The following TEX14 variants were observed in gnomAD, a reference collection of about 807,000 sequenced individuals.
TEX14 encodes testis expressed 14, intercellular bridge forming factor.
A neutral mutation model predicts 178.6 loss-of-function variants in TEX14; 168 were observed. The observed-to-expected ratio is 0.94, with a 90% confidence interval of 0.83 to 1.07. The LOEUF is 1.07. TEX14 is among the 50% of genes least tolerant of loss of function. The pLI is 0.00. For synonymous variants in TEX14, 626 were observed against 634.1 expected, an observed-to-expected ratio of 0.99 and a Z score of 0.19; for missense variants, 1,730 against 1,753.6, an observed-to-expected ratio of 0.99 and a Z score of 0.24.
At chr17:58,659,133 A>G (rs760569880) in intron 1 of TEX14, among the ~76,000 whole-genome samples, 7 of 152,176 alleles carry the variant, frequency 4.6e-5, no homozygotes, top group Non-Finnish European at 8.8e-5. Flanking sequence ...CGTCTTTTAA[A>G]CTAGTTCAAT....
chr17:58,595,018 T>C (rs899718388), intron 14 of TEX14, among the ~76,000 whole-genome samples: 1 of 152,310 alleles, frequency 6.6e-6, no homozygotes, highest in Non-Finnish European at 1.5e-5. Flanking sequence ...GGCCTTTGTA[T>C]GGGCAAACAC....
chr17:58,575,341 C>T (rs1420495152), intron 21 of TEX14, among the ~76,000 whole-genome samples: 1 of 152,070 alleles, frequency 6.6e-6, no homozygotes, highest in Non-Finnish European at 1.5e-5. Flanking sequence ...ATCTCAAACT[C>T]CTGACCTCAG....
At position 58,623,026 on chromosome 17, in the gene TEX14, T is replaced by A. The variant is rs1234482275; in HGVS notation, c.252-14A>T. On this transcript the variant is annotated splice_polypyrimidine_tract_variant and intron_variant, in intron 3 of 31. Coordinates refer to ENST00000349033, the MANE Select transcript of TEX14 (RefSeq NM_031272.5). ...TCAAAGCAGCGGCTGGGGAGGGAGA[T>A]GAGTACAATTGATGTCCATGGCAAT... is the stretch of plus-strand genomic sequence containing the variant. 1.9e-6 allele frequency: 3 copies of A among 1,580,716 alleles called. No individual in the cohort carries two copies. The highest frequency in any genetic ancestry group is 4.5e-5 in the East Asian group (2 of 44,074).
intron 10 of TEX14, among the ~76,000 whole-genome samples, chr17:58,609,017 T>C (rs573325980): frequency 7.9e-5 from 12 of 152,332 alleles, no homozygotes; most frequent in African/African-American, 2.9e-4. Context: ...ATGGACCAGA[T>C]GAGAAAGTGA....
rs371618579 is a variant in TEX14, at chr17:58,581,764, C to G, written c.3172-2033G>C. The G allele has an allele frequency of 6.2e-6, 10 of 1,601,206 alleles. No individual in the cohort carries two copies. In the African/African-American group the frequency reaches 1.1e-4, roughly 17 times the overall value. ...AATGTAGGAAATCACTTTTAAGTTG[C>G]TGTTCATTGTAACGAAATCCCTTTA... On this transcript the variant is annotated intron_variant, in intron 19 of 31. Coordinates refer to ENST00000349033, the MANE Select transcript of TEX14 (RefSeq NM_031272.5).
intron 1 of TEX14, among the ~76,000 whole-genome samples, chr17:58,662,748 G>C (rs2047138591): frequency 6.6e-6 from 1 of 152,166 alleles, no homozygotes; most frequent in Admixed American, 6.5e-5. Flanking sequence ...AGAAATATGA[G>C]AGTGACATAT....
intron 26 of TEX14, among the ~76,000 whole-genome samples, chr17:58,568,109 G>C (rs545361469): frequency 1.3e-5 from 2 of 152,346 alleles, no homozygotes; most frequent in Admixed American, 1.3e-4. Flanking sequence ...GGAGGAATTT[G>C]CAAGGACTGC....
intron 5 of TEX14, 120 bp downstream of exon 5, chr17:58,621,530 G>C (rs2045996519): frequency 9.7e-7 from 1 of 1,029,940 alleles, no homozygotes. Flanking sequence ...ACACCCCTTT[G>C]GATGGGCCAG....
At chr17:58,562,670 A>G (rs2044295947) in intron 28 of TEX14, among the ~76,000 whole-genome samples, 2 of 152,002 alleles carry the variant, frequency 1.3e-5, no homozygotes, top group Admixed American at 1.3e-4. Context: ...ATGCCTGGCT[A>G]ATTTTTTTAT....
chr17:58,592,939 T>G (rs1212912289), intron 15 of TEX14, among the ~76,000 whole-genome samples: 1 of 152,174 alleles, frequency 6.6e-6, no homozygotes, highest in Admixed American at 6.5e-5. Context: ...TATGCATATA[T>G]ATGCATGAAT....
chr17:58,563,656 TATAGAGAGAGAGAGAG>T (rs1356108403), intron 28 of TEX14, among the ~76,000 whole-genome samples: 1 of 18,770 alleles, frequency 5.3e-5, no homozygotes, highest in Non-Finnish European at 8.3e-5. Flanking sequence ...TATATATATA[TATAGAGAGAGAGAGAG>T]AGAGAGAGAG....
intron 2 of TEX14, among the ~76,000 whole-genome samples, chr17:58,640,442 G>A (rs1307400168): frequency 6.6e-6 from 1 of 152,158 alleles, no homozygotes. Flanking sequence ...TAGGTAACTT[G>A]CCTAAGGTCA....
At chr17:58,635,088 C>A (rs1216723082) in intron 2 of TEX14, among the ~76,000 whole-genome samples, 1 of 149,520 alleles carries the variant, frequency 6.7e-6, no homozygotes, top group Non-Finnish European at 1.5e-5. Flanking sequence ...GCTGAGATCT[C>A]AACATTGCAC....
intron 1 of TEX14, among the ~76,000 whole-genome samples, chr17:58,686,112 A>T (rs2047586902): frequency 6.6e-6 from 1 of 151,502 alleles, no homozygotes; most frequent in South Asian, 2.1e-4. Context: ...GAACTTTGGG[A>T]GGCCGAGGAG....
Position 58,621,708 on chromosome 17 carries a change from T to G in TEX14, c.496A>C (p.Ile166Leu). The change falls in exon 5 of 32, where the codon ATA (isoleucine) becomes CTA (leucine). Residue 166 changes from isoleucine (I) to leucine (L), a missense_variant. By Grantham distance (5) the Ile-to-Leu change is conservative. This residue lies in a region of TEX14 where 789 missense variants were observed against 681.2 expected (regional missense o/e 1.16). Transcript: ENST00000349033. ...TAGACAAGCCGCTGCGGGGAGTCTA[T>G]CTTCTTCAGGAGGTCGTAAGAGAAG... ...QGFSYDLLKK[I>L]DSPQRLVYSP... 1 of 1,614,172 alleles carries G rather than the reference T, an allele frequency of 6.2e-7. No homozygotes were observed.
intron 2 of TEX14, among the ~76,000 whole-genome samples, chr17:58,641,806 C>A (rs1467951413): frequency 6.6e-6 from 1 of 152,162 alleles, no homozygotes; most frequent in East Asian, 1.9e-4. Context: ...CTGCGCCCAG[C>A]CAAGTGATAG....
In TEX14 at chr17:58,641,895, T is replaced by TG. The variant is rs1173248210; in HGVS notation, c.136+9970dup. 4.6e-5 allele frequency among the ~76,000 whole-genome samples: 7 copies of TG among 152,342 alleles called. No individual in the cohort carries two copies. The South Asian group carries it at 8.3e-4, about 18-fold the overall frequency. On this transcript the variant is annotated intron_variant, in intron 2 of 31. Coordinates refer to ENST00000349033, the MANE Select transcript of TEX14 (RefSeq NM_031272.5). ...TGATTATTTCTCCTTTCATAGATGC[T>TG]GGGTATAGCATCTGTCACACTGCTG...
chr17:58,604,191 G>A lies in TEX14; in HGVS notation c.1336+787C>T, dbSNP rs537947439. Among the ~76,000 whole-genome samples, 7 of 151,044 alleles carry A rather than the reference G, an allele frequency of 4.6e-5. No homozygotes were observed. In the East Asian group the frequency reaches 6.0e-4, roughly 13 times the overall value. The stretch of plus-strand genomic sequence containing the variant: ...ATATTCAGGTTAAAAAGTTTGCTTC[G>A]GCCGGGCGTGGTGGCTCACACCTGT... On this transcript the variant is annotated intron_variant, in intron 11 of 31. Transcript: ENST00000349033.
chr17:58,601,063 A>G (rs547647425), intron 13 of TEX14, among the ~76,000 whole-genome samples: 1 of 152,140 alleles, frequency 6.6e-6, no homozygotes, highest in South Asian at 2.1e-4. Flanking sequence ...AACCTGAGCA[A>G]CATAATGAGA....
Sources: allele counts gnomAD v4.1 joint callset (sites outside exome capture counted in the v4.1 genomes callset), GRCh38; gene constraint gnomAD v4.1.1; regional missense constraint gnomAD v4.1.1; transcripts MANE v1.5; gene names NCBI Gene and HGNC (gene_info 2026-07-23, HGNC 2026-07-21).